The following PTPN21 variants were observed in gnomAD, a reference collection of about 807,000 sequenced individuals.
PTPN21 encodes tyrosine-protein phosphatase non-receptor type 21.
A neutral mutation model predicts 131.8 loss-of-function variants in PTPN21; 77 were observed. That is an observed-to-expected ratio of 0.58 (90% confidence interval 0.49 to 0.71). The LOEUF is 0.71. Among genes scored for constraint, PTPN21 ranks in the 30% least tolerant of loss-of-function variants. The pLI is 0.00. For missense variants in PTPN21, 1,552 were observed against 1,527.1 expected (o/e 1.02, Z -0.27); for synonymous variants, 715 against 621.3 (o/e 1.15, Z -2.24).
At chr14:88,538,068 G>T (rs893893145) in intron 2 of PTPN21, among the ~76,000 whole-genome samples, 2 of 152,186 alleles carry the variant, frequency 1.3e-5, no homozygotes, top group Admixed American at 6.5e-5. Flanking sequence ...CAACAAGAAT[G>T]ACAGGGATAA....
At chr14:88,537,654 T>C (rs1240263727) in intron 2 of PTPN21, among the ~76,000 whole-genome samples, 1 of 152,200 alleles carries the variant, frequency 6.6e-6, no homozygotes, top group Admixed American at 6.5e-5. Flanking sequence ...TCTTGAATTA[T>C]AAGATTAAGA....
At chr14:88,553,806 C>T (rs1040262096) in intron 1 of PTPN21, among the ~76,000 whole-genome samples, 2 of 152,062 alleles carry the variant, frequency 1.3e-5, no homozygotes, top group Non-Finnish European at 2.9e-5. Context: ...TTCCCCTTTC[C>T]TATTAAGGTC....
intron 11 of PTPN21, 103 bp from the exon 12 acceptor site, chr14:88,485,263 G>T (rs1313733059): frequency 3.3e-6 from 2 of 606,176 alleles, no homozygotes; most frequent in African/African-American, 1.9e-5. Context: ...ACTTCTAAAG[G>T]AATTAAATAT....
chr14:88,508,825 AAGATGCTTTC>A (rs1180952326), intron 3 of PTPN21, among the ~76,000 whole-genome samples: 6 of 152,226 alleles, frequency 3.9e-5, no homozygotes, highest in Admixed American at 6.5e-5. Context: ...AACAGCTGTT[AAGATGCTTTC>A]TTAATATCTG....
intron 2 of PTPN21, among the ~76,000 whole-genome samples, chr14:88,534,063 A>G (rs1427883401): frequency 6.6e-6 from 1 of 152,162 alleles, no homozygotes; most frequent in East Asian, 1.9e-4. Flanking sequence ...TGTGTGTCTT[A>G]GTTTTCAACA....
chr14:88,472,530 A>G (rs2077487884), intron 14 of PTPN21, 65 bp from the exon 15 acceptor site: 7 of 1,004,280 alleles, frequency 7.0e-6, no homozygotes, highest in African/African-American at 1.6e-5. Flanking sequence ...TTTTGACTGT[A>G]TATTTGAAAT....
chr14:88,486,917 A>G (rs2077742461), intron 10 of PTPN21, among the ~76,000 whole-genome samples: 1 of 150,402 alleles, frequency 6.6e-6, no homozygotes, highest in African/African-American at 2.5e-5. Context: ...CAGAGGTTGC[A>G]GTGAGCCGAG....
chr14:88,522,406 G>A (rs996996178), intron 2 of PTPN21, among the ~76,000 whole-genome samples: 2 of 147,814 alleles, frequency 1.4e-5, no homozygotes, highest in African/African-American at 5.0e-5. Context: ...CTCCAGCCTG[G>A]GCGACAGAGC....
intron 2 of PTPN21, among the ~76,000 whole-genome samples, chr14:88,536,379 T>C (rs1280234837): frequency 6.6e-6 from 1 of 152,198 alleles, no homozygotes; most frequent in Admixed American, 6.5e-5. Context: ...ACAGTAAAAA[T>C]AAAAGTTAAA....
In PTPN21 at chr14:88,518,301, CAT is replaced by C. The variant is rs1203640452; in HGVS notation, c.181-1042_181-1041del. Among the ~76,000 whole-genome samples, 709 of 90,082 alleles carry C rather than the reference CAT, an allele frequency of 7.9e-3. 7 individuals are homozygous for C. The highest frequency in any genetic ancestry group is 0.014 in the African/African-American group (337 of 24,340). 59.1% of individuals were successfully genotyped at this position (90,082 alleles called of 152,430 possible). A position where few individuals can be genotyped will look rare whatever the true frequency, so the allele number is the denominator to read the frequency against. ...ACACACACATACGCACACACACACA[CAT>C]ATATGTGTATATATACGTATATATA... On this transcript the variant is annotated intron_variant, in intron 2 of 18. Transcript: ENST00000556564.
chr14:88,533,402 G>C (rs1414457035), intron 2 of PTPN21, among the ~76,000 whole-genome samples: 1 of 152,152 alleles, frequency 6.6e-6, no homozygotes, highest in African/African-American at 2.4e-5. Context: ...CTAAGTTGCA[G>C]TGCAATGCAT....
intron 1 of PTPN21, chr14:88,551,437 T>C (rs2139371964): frequency 6.6e-6 from 1 of 152,284 alleles, no homozygotes; most frequent in African/African-American, 2.4e-5. Flanking sequence ...GGCCCCGGCT[T>C]CTCCCGCGTC....
At chr14:88,468,357 T>TA (rs2077398751) in intron 18 of PTPN21, 92 bp from the exon 19 acceptor site, 3 of 1,293,210 alleles carry the variant, frequency 2.3e-6, no homozygotes, top group Admixed American at 2.5e-5. Flanking sequence ...GAAACCTGGT[T>TA]GGGAGATGGA....
At chr14:88,496,300 A>T in intron 10 of PTPN21, 113 bp downstream of exon 10, 3 of 942,466 alleles carry the variant, frequency 3.2e-6, no homozygotes, top group Non-Finnish European at 4.9e-6. Context: ...CAGCTATAGG[A>T]TCAAGAAAAG....
intron 4 of PTPN21, among the ~76,000 whole-genome samples, chr14:88,505,845 T>C (rs1411674661): frequency 6.6e-6 from 1 of 152,232 alleles, no homozygotes; most frequent in East Asian, 1.9e-4. Context: ...GAAAAAGTAA[T>C]TCTTAAAGCC....
intron 8 of PTPN21, among the ~76,000 whole-genome samples, chr14:88,497,758 G>A (rs974124204): frequency 1.3e-5 from 2 of 151,044 alleles, no homozygotes; most frequent in Non-Finnish European, 1.5e-5. Flanking sequence ...CAACCTGGGC[G>A]ACAGAGTGAG....
In PTPN21 at chr14:88,496,456, A is replaced by T. The variant is rs199563045; in HGVS notation, c.889T>A (p.Cys297Ser). Reference protein sequence around the residue: ...METAKYIWRLCVARHKFYRLN... With the variant: ...METAKYIWRLSVARHKFYRLN... ...CTGTAAAACTTGTGTCGCGCAACAC[A>T]GAGTCTCCAAATGTATTTTGCTGTT... Residue 297 changes from cysteine to serine, a missense_variant, in exon 10 of 19, where the codon TGT becomes AGT. Around this residue, in one of 4 missense-constraint regions of PTPN21, gnomAD observed 1,016 missense variants for 883.5 expected, o/e 1.15. Transcript: ENST00000556564. 6 of 1,613,876 alleles carry T rather than the reference A, an allele frequency of 3.7e-6. No homozygotes were observed. In the African/African-American group the frequency reaches 8.0e-5, roughly 22 times the overall value.
chr14:88,497,320 T>C (rs1272758284), intron 8 of PTPN21, 30 bp from the exon 9 acceptor site: 9 of 1,537,170 alleles, frequency 5.9e-6, no homozygotes, highest in Non-Finnish European at 8.1e-6. Context: ...GAACTGGCAA[T>C]GTGAGTGCCC....
chr14:88,522,057 A>G (rs2139323409), intron 2 of PTPN21, among the ~76,000 whole-genome samples: 1 of 152,352 alleles, frequency 6.6e-6, no homozygotes, highest in East Asian at 1.9e-4. Flanking sequence ...TTGCATCATA[A>G]TTAGTTTTTC....
Sources: allele counts gnomAD v4.1 joint callset (sites outside exome capture counted in the v4.1 genomes callset), GRCh38; gene constraint gnomAD v4.1.1; regional missense constraint gnomAD v4.1.1; transcripts MANE v1.5; gene names NCBI Gene and HGNC (gene_info 2026-07-23, HGNC 2026-07-21).